TMEM198: variants seen among roughly 807,000 people sequenced by gnomAD.
The protein encoded by TMEM198 is transmembrane protein 198.
Under a neutral mutation model 31.5 loss-of-function variants are expected in TMEM198, and 21 were observed. The observed-to-expected ratio is 0.67, with a 90% CI of 0.47 to 0.96. The LOEUF (loss-of-function observed/expected upper bound fraction) is 0.96, where lower values mean the gene tolerates loss of function less well. Ranked by LOEUF, TMEM198 falls within the 40% of genes least tolerant of loss-of-function variation. The pLI is 0.00. For synonymous variants in TMEM198, 211 were observed against 223.3 expected (o/e 0.95, Z 0.49); for missense variants, 447 against 499.4 (o/e 0.89, Z 1.00).
chr2:219,547,704 GGCTGCTGCTCGGCCTGCTGCTC>G lies in TMEM198; in HGVS notation c.368_389del (p.Leu123GlnfsTer49). 6.4e-7 allele frequency: 1 copy of G among 1,571,470 alleles called. No individual in the cohort carries two copies. Among genetic ancestry groups the G allele is most frequent in the Non-Finnish European group, 8.6e-7 (1 of 1,162,302 alleles). ...CGCAGCGTGGGCCTCTTCCTGGTGG[GGCTGCTGCTCGGCCTGCTGCTC>G]GCAGCTGCTGCCCTGCTGGGCTCCG... On this transcript the variant is annotated frameshift_variant, in exon 3 of 5. Transcript: ENST00000373883. LOFTEE classifies it high-confidence loss of function.
chr2:219,550,265 G>T lies in TMEM198; in HGVS notation c.*411G>T, dbSNP rs1038591950. ...CATGGGCCACCTCCTGCATGTCTCC[G>T]CGGAGGGGCTACCTTCCTTCCCATC... On this transcript the variant is annotated 3_prime_UTR_variant, in exon 5 of 5. Coordinates refer to ENST00000373883, the MANE Select transcript of TMEM198 (RefSeq NM_001005209.3). 5 of 193,168 alleles carry T rather than the reference G, an allele frequency of 2.6e-5. No homozygotes were observed. The highest frequency in any genetic ancestry group is 9.3e-5 in the African/African-American group (4 of 42,828). The allele number at this position is 193,168 out of a possible 1,614,324, so 12.0% of individuals were successfully genotyped here.
chr2:219,549,692 C>G (rs762258872), intron 4 of TMEM198, 25 bp from the exon 5 acceptor site: 26 of 1,610,206 alleles, frequency 1.6e-5, no homozygotes, highest in Middle Eastern at 1.7e-4. Flanking sequence ...CGGTGGGACT[C>G]ACACCTATGT....
chr2:219,549,421 G>A, intron 4 of TMEM198, 67 bp downstream of exon 4: 2 of 1,541,562 alleles, frequency 1.3e-6, no homozygotes, highest in Non-Finnish European at 1.8e-6. Flanking sequence ...AAACAGGACT[G>A]GGCTTTCCCC....
At position 219,549,244 on chromosome 2, in the gene TMEM198, C is replaced by T. The variant is rs554998281; in HGVS notation, c.835C>T (p.Arg279Trp). ...GAAAAGGCGGAAAAAGAGACCTCCT[C>T]GGGCTCCCCTCAGAGGTCCCCGGGC... ...KEKRRKKRPP[R>W]APLRGPRAPP... Residue 279 changes from arginine to tryptophan, a missense_variant, in exon 4 of 5, where the codon CGG becomes TGG. Arg to Trp is a moderately radical substitution (Grantham distance 101). Coordinates refer to ENST00000373883, the MANE Select transcript of TMEM198 (RefSeq NM_001005209.3). 8.1e-6 allele frequency: 13 copies of T among 1,613,864 alleles called. No homozygotes were observed. The highest frequency in any genetic ancestry group is 3.3e-5 in the South Asian group (3 of 91,088).
chr2:219,549,170 GC>G lies in TMEM198; in HGVS notation c.763del (p.Arg255AspfsTer5). On this transcript the variant is annotated frameshift_variant, in exon 4 of 5. Coordinates refer to ENST00000373883, the MANE Select transcript of TMEM198 (RefSeq NM_001005209.3). LOFTEE classifies it high-confidence loss of function. ...SHTEVVISRQ[R>X]RRVQLMRIRQ... ...ACCACAGTGGTCATCAGCCGGCAGC[GC>G]CGACGCGTGCAACTGATGCGGATTC... The G allele has an allele frequency of 6.2e-7, 1 of 1,613,928 alleles. No homozygotes were observed.
At position 219,549,368 on chromosome 2, in the gene TMEM198, G is replaced by T; in HGVS notation, c.945+14G>T. On this transcript the variant is annotated intron_variant, in intron 4 of 4. Coordinates refer to ENST00000373883, the MANE Select transcript of TMEM198 (RefSeq NM_001005209.3). The stretch of plus-strand genomic sequence containing the variant: ...GTCCTCTCCCCGGTGAGCTCCCTGA[G>T]CCCATCCAGCCAGAATGAGAAGGAA... The T allele has an allele frequency of 1.2e-6, 2 of 1,602,386 alleles. No individual in the cohort carries two copies. The highest frequency in any genetic ancestry group is 1.7e-6 in the Non-Finnish European group (2 of 1,173,250).
Position 219,550,001 on chromosome 2 carries a change from A to C in TMEM198, c.*147A>C. The C allele has an allele frequency of 8.7e-7, 1 of 1,143,848 alleles. No homozygotes were observed. Among genetic ancestry groups the C allele is most frequent in the Non-Finnish European group, 1.2e-6 (1 of 824,058 alleles). The allele number at this position is 1,143,848 out of a possible 1,614,324, so 70.9% of individuals were successfully genotyped here. A position where few individuals can be genotyped will look rare whatever the true frequency, so the allele number is the denominator to read the frequency against. Reference sequence around the variant, plus strand: ...GGTCACTAGAAGGGAGGATTGTCTCAGGCGAGTCTTGGCCTGAGAGGAAAG... The same window carrying C: ...GGTCACTAGAAGGGAGGATTGTCTCCGGCGAGTCTTGGCCTGAGAGGAAAG... On this transcript the variant is annotated 3_prime_UTR_variant, in exon 5 of 5. Coordinates refer to ENST00000373883, the MANE Select transcript of TMEM198 (RefSeq NM_001005209.3).
At position 219,547,951 on chromosome 2, in the gene TMEM198, A is replaced by G. The variant is rs139462854; in HGVS notation, c.612A>G (p.Arg204=). 2 of 1,590,472 alleles carry G rather than the reference A, an allele frequency of 1.3e-6. No homozygotes were observed. Among genetic ancestry groups the G allele is most frequent in the African/African-American group, 1.3e-5 (1 of 74,436 alleles). Residue 204 remains arginine, a synonymous_variant, in exon 3 of 5, where the codon CGA becomes CGG. Transcript: ENST00000373883. ...LLLLGRYVVE[R]LRAAPVPPLC... is the part of the protein sequence containing the mutation. ...TGCTGGGGCGCTACGTGGTGGAGCG[A>G]CTCCGGGCTGCTCCTGTGCCCCCAC...
rs1695533572 is a variant in TMEM198, at chr2:219,550,291, G to A, written c.*437G>A. ...CGGAGGGGCTACCTTCCTTCCCATCGCCCTGCCTCGCAGCCAGACTCATCT... is the reference window on the plus strand; with the variant it reads ...CGGAGGGGCTACCTTCCTTCCCATCACCCTGCCTCGCAGCCAGACTCATCT... On this transcript the variant is annotated 3_prime_UTR_variant, in exon 5 of 5. Transcript: ENST00000373883. The A allele has an allele frequency of 1.1e-5, 2 of 183,392 alleles. No individual in the cohort carries two copies. Among genetic ancestry groups the A allele is most frequent in the East Asian group, 1.5e-4 (1 of 6,886 alleles). The allele number at this position is 183,392 out of a possible 1,614,324, so 11.4% of individuals were successfully genotyped here.
In TMEM198 at chr2:219,549,822, A is replaced by G; in HGVS notation, c.1051A>G (p.Thr351Ala). 1 of 1,614,050 alleles carries G rather than the reference A, an allele frequency of 6.2e-7. No individual in the cohort carries two copies. Among genetic ancestry groups the G allele is most frequent in the Non-Finnish European group, 8.5e-7 (1 of 1,179,992 alleles). ...DYEYGSRGPL[T>A]ACSGPPVRV ...TGAGTATGGGTCCCGGGGACCTCTGACAGCCTGCTCAGGCCCCCCAGTGCG... is the reference window on the plus strand; with the variant it reads ...TGAGTATGGGTCCCGGGGACCTCTGGCAGCCTGCTCAGGCCCCCCAGTGCG... Residue 351 changes from threonine to alanine, a missense_variant, in exon 5 of 5, where the codon ACA (threonine) becomes GCA (alanine). Coordinates refer to ENST00000373883, the MANE Select transcript of TMEM198 (RefSeq NM_001005209.3).
upstream of TMEM198, chr2:219,543,889 C>G (rs543593951): frequency 2.9e-6 from 1 of 350,460 alleles, no homozygotes; most frequent in South Asian, 2.7e-5. Flanking sequence ...AGGGGAAGGA[C>G]CCCCGGAAGT....
At position 219,550,532 on chromosome 2, in the gene TMEM198, C is replaced by T; in HGVS notation, c.*678C>T. ...ACCTAGACACCTCATGCTTCTGTCT[C>T]CCCCACCCCACTCTGTTTTACATCT... On this transcript the variant is annotated 3_prime_UTR_variant, in exon 5 of 5. Transcript: ENST00000373883. 1 of 437,082 alleles carries T rather than the reference C, an allele frequency of 2.3e-6. No homozygotes were observed. Among genetic ancestry groups the T allele is most frequent in the East Asian group, 3.9e-5 (1 of 25,522 alleles). The allele number at this position is 437,082 out of a possible 1,614,324, so 27.1% of individuals were successfully genotyped here. A position where few individuals can be genotyped will look rare whatever the true frequency, so the allele number is the denominator to read the frequency against.
upstream of TMEM198, chr2:219,543,762 C>G: frequency 2.2e-6 from 1 of 454,392 alleles, no homozygotes; most frequent in Non-Finnish European, 3.9e-6. Context: ...TTCTTGCGCT[C>G]GGCACTGGAG....
chr2:219,544,773 G>A lies in TMEM198; in HGVS notation c.46G>A (p.Glu16Lys). ...ACTGCGGTTCCAGCTGCTGCCCCCT[G>A]AGCCAGATGATGCCTTCTGGGGTGC... ...ATLRFQLLPP[E>K]PDDAFWGAPC... Residue 16 changes from glutamate to lysine, a missense_variant, in exon 2 of 5, where the codon GAG (glutamate) becomes AAG (lysine). By Grantham distance (56) the Glu-to-Lys change is moderately conservative (BLOSUM62 1). Coordinates refer to ENST00000373883, the MANE Select transcript of TMEM198 (RefSeq NM_001005209.3). The A allele has an allele frequency of 6.2e-7, 1 of 1,614,166 alleles. No individual in the cohort carries two copies. Among genetic ancestry groups the A allele is most frequent in the Non-Finnish European group, 8.5e-7 (1 of 1,180,030 alleles).
At chr2:219,543,737 C>T, upstream of TMEM198, 2 of 453,506 alleles carry the variant, frequency 4.4e-6, no homozygotes, top group Non-Finnish European at 7.7e-6. Context: ...AGCAGCTGCT[C>T]TGGGCTGCGC....
chr2:219,549,191 G>A lies in TMEM198; in HGVS notation c.782G>A (p.Arg261Gln), dbSNP rs754156624. The A allele has an allele frequency of 6.2e-6, 10 of 1,613,870 alleles. No homozygotes were observed. The highest frequency in any genetic ancestry group is 1.6e-4 in the Middle Eastern group (1 of 6,084). Residue 261 changes from arginine to glutamine, a missense_variant, in exon 4 of 5, where the codon CGG becomes CAG. Coordinates refer to ENST00000373883, the MANE Select transcript of TMEM198 (RefSeq NM_001005209.3). ...SRQRRRVQLM[R>Q]IRQQEDRKEK... ...CAGCGCCGACGCGTGCAACTGATGC[G>A]GATTCGGCAGCAGGAAGATCGCAAG...
intron 2 of TMEM198, among the ~76,000 whole-genome samples, chr2:219,545,321 CA>C (rs1428579626): frequency 8.5e-5 from 13 of 152,222 alleles, no homozygotes; most frequent in Non-Finnish European, 4.4e-5. Context: ...TACCACAGGG[CA>C]TATTGTCTGA....
intron 3 of TMEM198, among the ~76,000 whole-genome samples, chr2:219,548,437 G>T: frequency 6.6e-6 from 1 of 152,220 alleles, no homozygotes; most frequent in East Asian, 1.9e-4. Flanking sequence ...GCAGGATAAT[G>T]TGAAAGAATG....
chr2:219,543,763 G>C, upstream of TMEM198: 1 of 449,850 alleles, frequency 2.2e-6, no homozygotes, highest in Non-Finnish European at 3.9e-6. Context: ...TCTTGCGCTC[G>C]GCACTGGAGC....
Sources: gnomAD v4.1 joint callset for allele counts (sites outside exome capture counted in the v4.1 genomes callset) on GRCh38, gnomAD v4.1.1 for gene constraint, MANE v1.5 for transcripts, NCBI Gene and HGNC (gene_info 2026-07-23, HGNC 2026-07-21) for gene names.